The following RGMB variants were observed in gnomAD, a reference collection of about 807,000 sequenced individuals.
RGMB encodes the protein repulsive guidance molecule BMP co-receptor b, also known as repulsive guidance molecule B.
A neutral mutation model predicts 26.9 loss-of-function variants in RGMB; 16 were observed. That is an observed-to-expected ratio of 0.60 (90% CI 0.40 to 0.90). The LOEUF is 0.90. Ranked by LOEUF, RGMB falls within the 40% of genes least tolerant of loss-of-function variation. RGMB has a pLI of 0.00. For synonymous variants in RGMB, 225 were observed against 229.3 expected, an observed-to-expected ratio of 0.98 and a Z score of 0.17; for missense variants, 512 against 573.3, an observed-to-expected ratio of 0.89 and a Z score of 1.09.
intron 1 of RGMB, among the ~76,000 whole-genome samples, chr5:98,778,312 A>T (rs1348559132): frequency 6.6e-6 from 1 of 152,124 alleles, no homozygotes; most frequent in Non-Finnish European, 1.5e-5. Flanking sequence ...TTGCATCCAC[A>T]TCTTGAAATA....
intron 1 of RGMB, among the ~76,000 whole-genome samples, chr5:98,775,331 A>G (rs573631120): frequency 1.1e-4 from 16 of 152,310 alleles, no homozygotes; most frequent in African/African-American, 3.9e-4. Flanking sequence ...TTGCATTATG[A>G]TGTAATAGCT....
chr5:98,793,251 T>G lies in RGMB; in HGVS notation c.812T>G (p.Met271Arg). 1 of 1,614,006 alleles carries G rather than the reference T, an allele frequency of 6.2e-7. No individual in the cohort carries two copies. The highest frequency in any genetic ancestry group is 1.3e-5 in the African/African-American group (1 of 75,058). The change falls in exon 3 of 3, where the codon ATG becomes AGG. Residue 271 changes from methionine (M) to arginine (R), a missense_variant. Transcript: ENST00000513185. The part of the protein sequence containing the change: ...VERESGHYVE[M>R]HARYIGTTVF... ...AGGGAGAGTGGCCACTATGTGGAGA[T>G]GCACGCCCGCTATATAGGGACCACA...
Position 98,795,349 on chromosome 5 carries a change from C to T in RGMB, c.*1596C>T, listed in dbSNP as rs1025296460. The T allele has an allele frequency of 6.6e-6, 1 of 152,160 alleles. No homozygotes were observed. The highest frequency in any genetic ancestry group is 6.5e-5 in the Admixed American group (1 of 15,274). 9.4% of individuals were successfully genotyped at this position (152,160 alleles called of 1,614,324 possible). On this transcript the variant is annotated 3_prime_UTR_variant, in exon 3 of 3. Coordinates refer to ENST00000513185, the MANE Select transcript of RGMB (RefSeq NM_001366508.1). ...AAGATTATGCTTAGTTTTAGTTCTC[C>T]AGGTAGTTACTTTTGCCATGTCCTA...
intron 1 of RGMB, among the ~76,000 whole-genome samples, chr5:98,774,673 A>C (rs927481275): frequency 1.3e-5 from 2 of 152,228 alleles, no homozygotes; most frequent in African/African-American, 4.8e-5. Context: ...GAAGTACACC[A>C]GATGGAAAGA....
intron 1 of RGMB, among the ~76,000 whole-genome samples, chr5:98,776,623 C>A (rs1746411158): frequency 6.6e-6 from 1 of 152,234 alleles, no homozygotes; most frequent in Admixed American, 6.5e-5. Flanking sequence ...TAGAAGCCCA[C>A]AAGGCAGCTG....
At chr5:98,783,668 A>G (rs1468169122) in intron 2 of RGMB, among the ~76,000 whole-genome samples, 8 of 152,236 alleles carry the variant, frequency 5.3e-5, no homozygotes, top group Non-Finnish European at 1.0e-4. Context: ...TGTATATGCC[A>G]TGATCACAGA....
intron 2 of RGMB, among the ~76,000 whole-genome samples, chr5:98,783,392 A>G (rs1192413393): frequency 6.6e-6 from 1 of 152,174 alleles, no homozygotes; most frequent in Non-Finnish European, 1.5e-5. Context: ...GATGAGAGGG[A>G]CAGGCTCTGA....
rs190085700 is a variant in RGMB, at chr5:98,779,719, C to A, written c.276C>A (p.Thr92=). ...CCTTGCGTGCCTATGCTGGCTGCACCCAGCGAACTTCAAAAGCCTGCCGTG... is the reference window on the plus strand; with the variant it reads ...CCTTGCGTGCCTATGCTGGCTGCACACAGCGAACTTCAAAAGCCTGCCGTG... The part of the protein sequence containing the change: ...CKALRAYAGC[T]QRTSKACRGN... Residue 92 remains threonine (T), a synonymous_variant, in exon 2 of 3, where the codon ACC becomes ACA. Coordinates refer to ENST00000513185, the MANE Select transcript of RGMB (RefSeq NM_001366508.1). The A allele has an allele frequency of 6.2e-7, 1 of 1,612,696 alleles. No individual in the cohort carries two copies. The highest frequency in any genetic ancestry group is 1.3e-5 in the African/African-American group (1 of 75,038).
At chr5:98,781,345 G>C (rs1746599724) in intron 2 of RGMB, among the ~76,000 whole-genome samples, 1 of 152,142 alleles carries the variant, frequency 6.6e-6, no homozygotes, top group Non-Finnish European at 1.5e-5. Context: ...TCAACTCTCA[G>C]TAAAAGCTCA....
chr5:98,774,029 C>A lies in RGMB; in HGVS notation c.-42C>A. ...GCCCAGACCCGCCACGGCGCCCGCG[C>A]CGCCGCCCTCGCCGGAGCCCACGAG... is the stretch of plus-strand genomic sequence containing the variant. On this transcript the variant is annotated 5_prime_UTR_variant, in exon 1 of 3. Coordinates refer to ENST00000513185, the MANE Select transcript of RGMB (RefSeq NM_001366508.1). The A allele has an allele frequency of 1.4e-6, 1 of 713,022 alleles. No individual in the cohort carries two copies. Among genetic ancestry groups the A allele is most frequent in the Admixed American group, 2.8e-5 (1 of 36,036 alleles). The allele number at this position is 713,022 out of a possible 1,614,324, so 44.2% of individuals were successfully genotyped here. A position where few individuals can be genotyped will look rare whatever the true frequency, so the allele number is the denominator to read the frequency against.
Position 98,773,971 on chromosome 5 carries a change from A to G in RGMB, c.-100A>G. On this transcript the variant is annotated 5_prime_UTR_variant, in exon 1 of 3. Transcript: ENST00000513185. ...CCTGAAGAAGGAAGAAGAGGAAGCG[A>G]AGCGCGCCCCCCGGCCCATGCCGCA... is the stretch of plus-strand genomic sequence containing the variant. 1 of 624,114 alleles carries G rather than the reference A, an allele frequency of 1.6e-6. No individual in the cohort carries two copies. The highest frequency in any genetic ancestry group is 2.9e-6 in the Non-Finnish European group (1 of 346,072). 38.7% of individuals were successfully genotyped at this position (624,114 alleles called of 1,614,324 possible). A position where few individuals can be genotyped will look rare whatever the true frequency, so the allele number is the denominator to read the frequency against.
chr5:98,791,557 A>C (rs957014676), intron 2 of RGMB, among the ~76,000 whole-genome samples: 1 of 152,146 alleles, frequency 6.6e-6, no homozygotes, highest in South Asian at 2.1e-4. Context: ...GTTTCCTTGC[A>C]GGAGGTAGAA....
At position 98,796,043 on chromosome 5, in the gene RGMB, AAAAC is replaced by A. The variant is rs1215842785; in HGVS notation, c.*2293_*2296del. ...CTGCCCTTGTAATCGGTGTCCCTGT[AAAAC>A]AATCCCCACAGATTACTTTCAGAAA... On this transcript the variant is annotated 3_prime_UTR_variant, in exon 3 of 3. Coordinates refer to ENST00000513185, the MANE Select transcript of RGMB (RefSeq NM_001366508.1). 1 of 152,250 alleles carries A rather than the reference AAAAC, an allele frequency of 6.6e-6. No individual in the cohort carries two copies. The highest frequency in any genetic ancestry group is 1.9e-4 in the East Asian group (1 of 5,208). 9.4% of individuals were successfully genotyped at this position (152,250 alleles called of 1,614,324 possible).
rs1486332191 is a variant in RGMB at position 98,796,386 on chromosome 5, T to C, written c.*2633T>C. 1.4e-5 allele frequency: 2 copies of C among 146,580 alleles called. No individual in the cohort carries two copies. Among genetic ancestry groups the C allele is most frequent in the African/African-American group, 5.1e-5 (2 of 39,464 alleles). The allele number at this position is 146,580 out of a possible 1,614,324, so 9.1% of individuals were successfully genotyped here. ...GTCTTTGCAAAGAAACCTTTAGATG[T>C]GGTTCATAGATATATGAATACGTAT... On this transcript the variant is annotated 3_prime_UTR_variant, in exon 3 of 3. Transcript: ENST00000513185.
intron 2 of RGMB, among the ~76,000 whole-genome samples, chr5:98,792,163 T>C (rs556869818): frequency 9.8e-5 from 15 of 152,346 alleles, no homozygotes; most frequent in Non-Finnish European, 2.9e-5. Context: ...TAGAAATCTT[T>C]CCTGGGGTAC....
rs1285634512 is a variant in RGMB, at chr5:98,795,265, TTGA to T, written c.*1514_*1516del. ...ATAGAGTTTCTGCTTTAATAATTTG[TTGA>T]TAAGTTTACATAAACAGAAATAAAA... is the stretch of plus-strand genomic sequence containing the variant. On this transcript the variant is annotated 3_prime_UTR_variant, in exon 3 of 3. Coordinates refer to ENST00000513185, the MANE Select transcript of RGMB (RefSeq NM_001366508.1). The T allele has an allele frequency of 6.6e-6, 1 of 152,220 alleles. No individual in the cohort carries two copies. 9.4% of individuals were successfully genotyped at this position (152,220 alleles called of 1,614,324 possible).
chr5:98,772,080 A>G (rs1746183932), upstream of RGMB, among the ~76,000 whole-genome samples: 1 of 152,226 alleles, frequency 6.6e-6, no homozygotes. Flanking sequence ...TTTTGCTCTA[A>G]TAATACTTAG....
intron 2 of RGMB, among the ~76,000 whole-genome samples, chr5:98,788,147 G>A (rs747733182): frequency 2.0e-5 from 3 of 152,192 alleles, no homozygotes; most frequent in Non-Finnish European, 4.4e-5. Context: ...CTCTTTTTAA[G>A]GTAGCTGATT....
In RGMB at chr5:98,793,279, G is replaced by A; in HGVS notation, c.840G>A (p.Val280=). The A allele has an allele frequency of 6.2e-7, 1 of 1,614,006 alleles. No homozygotes were observed. The highest frequency in any genetic ancestry group is 8.5e-7 in the Non-Finnish European group (1 of 1,179,880). ...EMHARYIGTT[V]FVRQVGRYLT... ...ACGCCCGCTATATAGGGACCACAGT[G>A]TTTGTGCGGCAGGTGGGTCGCTACC... is the stretch of plus-strand genomic sequence containing the variant. The change falls in exon 3 of 3, where the codon GTG becomes GTA. Residue 280 remains valine (V), a synonymous_variant. Coordinates refer to ENST00000513185, the MANE Select transcript of RGMB (RefSeq NM_001366508.1).
Sources: gnomAD v4.1 joint callset for allele counts (sites outside exome capture counted in the v4.1 genomes callset) on GRCh38, gnomAD v4.1.1 for gene constraint, MANE v1.5 for transcripts, NCBI Gene and HGNC (gene_info 2026-07-23, HGNC 2026-07-21) for gene names.